The following SORBS2 variants were observed in gnomAD, a reference collection of about 807,000 sequenced individuals.
The protein encoded by SORBS2 is sorbin and SH3 domain containing 2.
SORBS2 carries 46 observed loss-of-function variants against 97.7 expected under a neutral mutation model. The observed-to-expected ratio is 0.47, with a 90% CI of 0.37 to 0.60. The LOEUF (loss-of-function observed/expected upper bound fraction) is 0.60. Ranked by LOEUF, SORBS2 falls within the 20% of genes least tolerant of loss-of-function variation. SORBS2 has a pLI of 0.00. For synonymous variants in SORBS2, 476 were observed against 473.4 expected (o/e 1.01, Z -0.07); for missense variants, 1,316 against 1,282.3 (o/e 1.03, Z -0.40).
intron 1 of SORBS2, among the ~76,000 whole-genome samples, chr4:185,841,460 T>C (rs902488188): frequency 2.6e-5 from 4 of 152,164 alleles, no homozygotes; most frequent in Admixed American, 6.5e-5. Context: ...TTCCCTTCTA[T>C]ACTCTCCTCT....
chr4:185,754,631 A>C (rs1234133467), intron 2 of SORBS2, among the ~76,000 whole-genome samples: 1 of 152,130 alleles, frequency 6.6e-6, no homozygotes, highest in East Asian at 1.9e-4. Flanking sequence ...ACCATAACCC[A>C]CATCTTCCAA....
At chr4:185,645,057 G>C (rs1481616220) in intron 4 of SORBS2, among the ~76,000 whole-genome samples, 1 of 152,154 alleles carries the variant, frequency 6.6e-6, no homozygotes, top group Non-Finnish European at 1.5e-5. Flanking sequence ...GCATGTAGCT[G>C]GTGCTCAGTC....
At chr4:185,640,579 T>G (rs964302606) in intron 4 of SORBS2, among the ~76,000 whole-genome samples, 1 of 152,224 alleles carries the variant, frequency 6.6e-6, no homozygotes, top group African/African-American at 2.4e-5. Context: ...AGACAAAATA[T>G]TCTAGTAACC....
Position 185,623,142 on chromosome 4 carries a change from G to C in SORBS2, c.1987C>G (p.Arg663Gly). Residue 663 changes from arginine to glycine, a missense_variant, in exon 7 of 15, where the codon CGC becomes GGC. Transcript: ENST00000418609. The surrounding 1 kb of genome is among the most constrained non-coding windows in gnomAD (Gnocchi z 6.4). ...TCTGGCAGCAGCTCACTGATGAGGC[G>C]GTGCAGGATGCTGTTGTCCGGCAAG... is the stretch of plus-strand genomic sequence containing the variant. The C allele has an allele frequency of 6.2e-7, 1 of 1,614,100 alleles. No individual in the cohort carries two copies. The highest frequency in any genetic ancestry group is 8.5e-7 in the Non-Finnish European group (1 of 1,180,010).
chr4:185,683,619 C>T (rs1272481291), intron 2 of SORBS2, among the ~76,000 whole-genome samples: 2 of 151,898 alleles, frequency 1.3e-5, no homozygotes, highest in African/African-American at 4.8e-5. Context: ...TTTTTTTTAA[C>T]CAAAATGAGG....
chr4:185,666,124 G>C, intron 4 of SORBS2: 1 of 1,289,824 alleles, frequency 7.8e-7, no homozygotes, highest in Non-Finnish European at 1.0e-6. Flanking sequence ...AGGGCACGGA[G>C]GAGAAGCTTC....
intron 1 of SORBS2, among the ~76,000 whole-genome samples, chr4:185,917,392 C>T (rs1238170526): frequency 6.6e-6 from 1 of 152,132 alleles, no homozygotes; most frequent in Non-Finnish European, 1.5e-5. Context: ...ATGCCTAGCT[C>T]ATCTTTTGTG....
At chr4:185,835,132 A>T (rs896333019) in intron 1 of SORBS2, among the ~76,000 whole-genome samples, 2 of 152,192 alleles carry the variant, frequency 1.3e-5, no homozygotes, top group African/African-American at 2.4e-5. Flanking sequence ...TTCCGCCATG[A>T]GTAAAAGCTT....
intron 2 of SORBS2, among the ~76,000 whole-genome samples, chr4:185,724,148 T>C (rs1411093214): frequency 6.6e-6 from 1 of 152,200 alleles, no homozygotes; most frequent in Non-Finnish European, 1.5e-5. Flanking sequence ...AAGCTTAGTA[T>C]GAAAAAGATC....
chr4:185,779,016 G>C (rs1499017), intron 1 of SORBS2, among the ~76,000 whole-genome samples: 14,986 of 152,220 alleles, frequency 0.098, 854 homozygotes, highest in East Asian at 0.19. Flanking sequence ...GCACCTGAGC[G>C]TTGTGTGTTT....
intron 2 of SORBS2, among the ~76,000 whole-genome samples, chr4:185,718,380 G>A (rs556076927): frequency 1.3e-5 from 2 of 152,254 alleles, no homozygotes; most frequent in South Asian, 4.1e-4. Context: ...CAGTACTCAA[G>A]AGTTTCAGGA....
At chr4:185,695,249 C>T (rs1171253471) in intron 2 of SORBS2, among the ~76,000 whole-genome samples, 1 of 152,032 alleles carries the variant, frequency 6.6e-6, no homozygotes, top group Non-Finnish European at 1.5e-5. Flanking sequence ...ATCCTTTCCC[C>T]AGTTTTGGCT....
At chr4:185,683,980 G>A (rs1380989747) in intron 2 of SORBS2, among the ~76,000 whole-genome samples, 2 of 151,866 alleles carry the variant, frequency 1.3e-5, no homozygotes, top group East Asian at 3.9e-4. Flanking sequence ...TAAAAAACAA[G>A]CAGTCCCCAA....
chr4:185,776,327 A>T (rs890419042), intron 1 of SORBS2, among the ~76,000 whole-genome samples: 1 of 152,182 alleles, frequency 6.6e-6, no homozygotes, highest in Non-Finnish European at 1.5e-5. Context: ...CTGAAGACTG[A>T]GATCTCTTTC....
At chr4:185,808,180 T>C (rs185390600) in intron 1 of SORBS2, among the ~76,000 whole-genome samples, 87 of 152,316 alleles carry the variant, frequency 5.7e-4, no homozygotes, top group African/African-American at 2.0e-3. Context: ...AATTAAGAAT[T>C]GCTATTTATC....
chr4:185,588,584 G>C (rs1020911453), intron 14 of SORBS2, among the ~76,000 whole-genome samples: 1 of 49,232 alleles, frequency 2.0e-5, no homozygotes, highest in Admixed American at 2.5e-4. Flanking sequence ...GCCATTTTAC[G>C]TTTCTCCTCC....
At chr4:185,656,639 C>T (rs1437233047) in exon 1 of SORBS2, 2 of 1,551,108 alleles carry the variant, frequency 1.3e-6, no homozygotes. Context: ...TTGCTTTCAT[C>T]CTGTCCCCGG....
At chr4:185,646,143 C>T (rs2097203011) in intron 4 of SORBS2, 1 of 152,136 alleles carries the variant, frequency 6.6e-6, no homozygotes, top group Non-Finnish European at 1.5e-5. Context: ...ATTCTCCCTT[C>T]ATCCAAAGAA....
At chr4:185,731,866 C>CTCTG (rs1286500642) in intron 2 of SORBS2, among the ~76,000 whole-genome samples, 1 of 24,692 alleles carries the variant, frequency 4.0e-5, no homozygotes, top group Non-Finnish European at 6.7e-5. Flanking sequence ...CTCTCTCTCT[C>CTCTG]TATATATATA....
Sources: gnomAD v4.1 joint callset for allele counts (sites outside exome capture counted in the v4.1 genomes callset) on GRCh38, gnomAD v4.1.1 for gene constraint, Gnocchi (gnomAD v3.1) non-coding constraint, MANE v1.5 for transcripts, NCBI Gene and HGNC (gene_info 2026-07-23, HGNC 2026-07-21) for gene names.